Variants in UBE2D3 observed in about 807,000 individuals in gnomAD.
The protein encoded by UBE2D3 is ubiquitin-conjugating enzyme E2 D3.
Under a neutral mutation model 22.8 loss-of-function variants are expected in UBE2D3, and 2 were observed. The ratio of observed to expected loss-of-function variants is 0.09; its 90% CI spans 0.04 to 0.28. UBE2D3 has a LOEUF of 0.28. Among genes scored for constraint, UBE2D3 ranks in the 10% least tolerant of loss-of-function variants. The pLI, the probability that UBE2D3 is intolerant of heterozygous loss-of-function variation, is 1.00. For missense variants in UBE2D3, 27 were observed against 182.5 expected, an observed-to-expected ratio of 0.15 and a Z score of 4.91; for synonymous variants, 56 against 60.4, an observed-to-expected ratio of 0.93 and a Z score of 0.34.
intron 1 of UBE2D3, among the ~76,000 whole-genome samples, chr4:102,862,234 T>C (rs1732931651): frequency 6.6e-6 from 1 of 151,930 alleles, no homozygotes; most frequent in Non-Finnish European, 1.5e-5. Context: ...TAGTTCCTCA[T>C]ACACAAAGGG....
chr4:102,801,667 G>C, intron 5 of UBE2D3, 108 bp from the exon 6 acceptor site: 1 of 909,560 alleles, frequency 1.1e-6, no homozygotes, highest in South Asian at 1.9e-5. Context: ...TATTAGCATA[G>C]AAGTTCTAAA....
chr4:102,865,406 C>G (rs1365764352), intron 1 of UBE2D3, among the ~76,000 whole-genome samples: 2 of 150,396 alleles, frequency 1.3e-5, no homozygotes, highest in African/African-American at 2.5e-5. Context: ...GCAGGAGGAT[C>G]ACTTGAACCT....
upstream of UBE2D3, chr4:102,827,861 G>C (rs996075440): frequency 1.9e-5 from 19 of 985,618 alleles, no homozygotes; most frequent in African/African-American, 2.8e-4. Flanking sequence ...ACCGGAAGGA[G>C]ACCATGGGAG....
At chr4:102,817,009 T>C (rs1728866655) in intron 2 of UBE2D3, among the ~76,000 whole-genome samples, 1 of 152,194 alleles carries the variant, frequency 6.6e-6, no homozygotes, top group Non-Finnish European at 1.5e-5. Context: ...CCACTAACTT[T>C]TCCTGGGTTT....
rs59356815 is a variant in UBE2D3 at position 102,864,559 on chromosome 4, T to C, written c.-129+4156A>G. Among the ~76,000 whole-genome samples, 64 of 152,290 alleles carry C rather than the reference T, an allele frequency of 4.2e-4. 1 individual carries two copies. The East Asian group carries it at 9.6e-3, about 23-fold the overall frequency. On this transcript the variant is annotated intron_variant, in intron 1 of 7. Coordinates refer to the UBE2D3 transcript ENST00000338145. ...AGACGATAATGATAATAACCATTCA[T>C]TGAGTATATTACAAAATTAATTGTA...
At chr4:102,828,139 A>T (rs887212558), upstream of UBE2D3, 1 of 985,336 alleles carries the variant, frequency 1.0e-6, no homozygotes, top group African/African-American at 1.7e-5. Flanking sequence ...AACGCCCCTG[A>T]ATGCTTATGC....
At chr4:102,804,317 C>T (rs908385158) in intron 4 of UBE2D3, among the ~76,000 whole-genome samples, 6 of 152,192 alleles carry the variant, frequency 3.9e-5, no homozygotes, top group East Asian at 3.9e-4. Flanking sequence ...TGTGCACCAA[C>T]GTGCCCAGCT....
chr4:102,804,969 G>A (rs757954180), intron 4 of UBE2D3, among the ~76,000 whole-genome samples: 1 of 152,146 alleles, frequency 6.6e-6, no homozygotes, highest in African/African-American at 2.4e-5. Flanking sequence ...ACAGTCGTGA[G>A]CCACCATGCC....
intron 1 of UBE2D3, 75 bp from the exon 2 acceptor site, chr4:102,826,711 C>T: frequency 7.0e-7 from 1 of 1,437,912 alleles, no homozygotes; most frequent in East Asian, 2.6e-5. Flanking sequence ...TCCCTTAAGA[C>T]AGCCGCGATC....
intron 2 of UBE2D3, among the ~76,000 whole-genome samples, chr4:102,820,843 G>T (rs887936968): frequency 1.3e-5 from 2 of 152,174 alleles, no homozygotes; most frequent in Admixed American, 1.3e-4. Flanking sequence ...TAGGATTAAT[G>T]TAAGTATTTC....
chr4:102,819,639 C>G (rs1048219545), intron 2 of UBE2D3: 2 of 983,662 alleles, frequency 2.0e-6, no homozygotes, highest in African/African-American at 3.5e-5. Flanking sequence ...TGTCAAAATT[C>G]AAAAGCCTAT....
chr4:102,823,847 T>A (rs1467845758), intron 2 of UBE2D3, among the ~76,000 whole-genome samples: 1 of 152,224 alleles, frequency 6.6e-6, no homozygotes, highest in Non-Finnish European at 1.5e-5. Context: ...ACTATTCCAA[T>A]AATCATTTCA....
At chr4:102,821,454 T>A (rs1259737506) in intron 2 of UBE2D3, among the ~76,000 whole-genome samples, 1 of 152,172 alleles carries the variant, frequency 6.6e-6, no homozygotes, top group African/African-American at 2.4e-5. Context: ...TCCCTGGGAC[T>A]AGAATACTAC....
At chr4:102,819,066 C>T (rs1041576973) in intron 2 of UBE2D3, among the ~76,000 whole-genome samples, 1 of 152,134 alleles carries the variant, frequency 6.6e-6, no homozygotes, top group Non-Finnish European at 1.5e-5. Context: ...CGTGGTGGCT[C>T]ACGCTTGTAA....
intron 2 of UBE2D3, chr4:102,810,125 G>A (rs17195906): frequency 0.14 from 48,425 of 356,860 alleles, 3,450 homozygotes; most frequent in African/African-American, 0.15. Flanking sequence ...AACCGAAATA[G>A]CTATAATTAG....
chr4:102,826,670 C>A (rs1730554953), intron 1 of UBE2D3, 34 bp from the exon 2 acceptor site: 3 of 1,523,680 alleles, frequency 2.0e-6, no homozygotes, highest in Non-Finnish European at 2.6e-6. Flanking sequence ...AGCACTCGCA[C>A]AGGCCCCGAA....
chr4:102,794,670 A>G lies in UBE2D3; in HGVS notation c.*2745T>C, dbSNP rs1324363375. 1 of 151,788 alleles carries G rather than the reference A, an allele frequency of 6.6e-6. No individual in the cohort carries two copies. Among genetic ancestry groups the G allele is most frequent in the Non-Finnish European group, 1.5e-5 (1 of 67,884 alleles). 9.4% of individuals were successfully genotyped at this position (151,788 alleles called of 1,614,324 possible). The stretch of plus-strand genomic sequence containing the variant: ...GCCATTTCAACAAACAAAAAAAAAC[A>G]AACAAAAAAAAAAGTGAGTGTTTCA... On this transcript the variant is annotated 3_prime_UTR_variant, in exon 8 of 8. Coordinates refer to ENST00000453744, the MANE Select transcript of UBE2D3 (RefSeq NM_181891.3).
chr4:102,826,758 G>A (rs988118546), intron 1 of UBE2D3, 122 bp from the exon 2 acceptor site: 15 of 1,337,904 alleles, frequency 1.1e-5, no homozygotes, highest in Non-Finnish European at 1.3e-5. Flanking sequence ...GCCACCAACA[G>A]CCTCTGTACC....
upstream of UBE2D3, chr4:102,827,572 GC>G: frequency 1.0e-6 from 1 of 986,620 alleles, no homozygotes. Flanking sequence ...GCCACGCTCC[GC>G]CCCTCCCCCT....
Sources: allele counts gnomAD v4.1 joint callset (sites outside exome capture counted in the v4.1 genomes callset), GRCh38; gene constraint gnomAD v4.1.1; transcripts MANE v1.5; gene names NCBI Gene and HGNC (gene_info 2026-07-23, HGNC 2026-07-21).